Variants in NRP2 observed in about 807,000 individuals in gnomAD.
NRP2 encodes neuropilin-2.
NRP2 carries 52 observed loss-of-function variants against 110.4 expected under a neutral mutation model. The observed-to-expected ratio is 0.47, with a 90% CI of 0.38 to 0.59. The LOEUF (loss-of-function observed/expected upper bound fraction) is 0.59, where lower values mean the gene tolerates loss of function less well. Among genes scored for constraint, NRP2 ranks in the 20% least tolerant of loss-of-function variants. The pLI is 0.00. For missense variants in NRP2, 1,049 were observed against 1,203.0 expected (o/e 0.87, Z 1.89); for synonymous variants, 508 against 468.9 (o/e 1.08, Z -1.08).
At chr2:205,718,649 A>G (rs2105799241) in intron 3 of NRP2, among the ~76,000 whole-genome samples, 1 of 152,324 alleles carries the variant, frequency 6.6e-6, no homozygotes, top group Admixed American at 6.5e-5. Context: ...CATGACAGTC[A>G]GTCTTATATA....
In NRP2 at chr2:205,683,148, C is replaced by A; in HGVS notation, c.-143C>A. The stretch of plus-strand genomic sequence containing the variant: ...CAGCAAGAATAGAGGTGAAGACAAG[C>A]CACCAGGACTCAGGAGGGAAACGCT... On this transcript the variant is annotated 5_prime_UTR_variant, in exon 1 of 17. Transcript: ENST00000357785. 1 of 659,904 alleles carries A rather than the reference C, an allele frequency of 1.5e-6. No homozygotes were observed. The highest frequency in any genetic ancestry group is 2.5e-5 in the Admixed American group (1 of 40,022). 40.9% of individuals were successfully genotyped at this position (659,904 alleles called of 1,614,324 possible).
rs1253965727 is a variant in NRP2, at chr2:205,787,713, AGTGTCTGTG to A, written c.2426-4521_2426-4513del. ...GAGGGAGAGAGGAAAGATAAAAAAA[AGTGTCTGTG>A]TGTGTGTGTGTGTGTGTGTGTGTGT... On this transcript the variant is annotated intron_variant, in intron 15 of 16. Coordinates refer to ENST00000357785, the MANE Select transcript of NRP2 (RefSeq NM_003872.3). Among the ~76,000 whole-genome samples, 20 of 104,082 alleles carry A rather than the reference AGTGTCTGTG, an allele frequency of 1.9e-4. No individual in the cohort carries two copies. The South Asian group carries it at 2.3e-3, about 12-fold the overall frequency. 68.3% of individuals were successfully genotyped at this position (104,082 alleles called of 152,430 possible). A position where few individuals can be genotyped will look rare whatever the true frequency, so the allele number is the denominator to read the frequency against.
At chr2:205,707,881 T>G (rs529018562) in intron 2 of NRP2, among the ~76,000 whole-genome samples, 104 of 152,316 alleles carry the variant, frequency 6.8e-4, no homozygotes, top group Non-Finnish European at 1.1e-3. Flanking sequence ...CGCTGTGCTC[T>G]GATTGCCCTT....
chr2:205,708,543 A>G (rs2056733538), intron 2 of NRP2, among the ~76,000 whole-genome samples: 1 of 152,230 alleles, frequency 6.6e-6, no homozygotes, highest in Non-Finnish European at 1.5e-5. Flanking sequence ...TCCTCACGTC[A>G]GGAGGCATTC....
chr2:205,703,846 T>A (rs887373338), intron 2 of NRP2, among the ~76,000 whole-genome samples: 1 of 152,204 alleles, frequency 6.6e-6, no homozygotes, highest in Non-Finnish European at 1.5e-5. Flanking sequence ...GTGAGCATTG[T>A]AAGGGTAGAC....
chr2:205,776,484 C>T (rs1461552608), intron 15 of NRP2: 5 of 1,610,672 alleles, frequency 3.1e-6, no homozygotes, highest in South Asian at 1.1e-5. Context: ...TGGAGCCCAC[C>T]CTAACCATTA....
At chr2:205,685,347 C>A (rs1323805104) in intron 1 of NRP2, among the ~76,000 whole-genome samples, 1 of 152,226 alleles carries the variant, frequency 6.6e-6, no homozygotes, top group Non-Finnish European at 1.5e-5. Flanking sequence ...GCTGCTCAGG[C>A]TTTCAGGCGG....
In NRP2 at chr2:205,697,312, C is replaced by CTGTGTGTGTGTGTG. The variant is rs3072627; in HGVS notation, c.74-212_74-199dup. 1.7e-4 allele frequency among the ~76,000 whole-genome samples: 24 copies of CTGTGTGTGTGTGTG among 137,952 alleles called. 2 individuals are homozygous for CTGTGTGTGTGTGTG. The highest frequency in any genetic ancestry group is 6.0e-4 in the African/African-American group (21 of 34,736). 90.5% of individuals were successfully genotyped at this position (137,952 alleles called of 152,430 possible). A position where few individuals can be genotyped will look rare whatever the true frequency, so the allele number is the denominator to read the frequency against. On this transcript the variant is annotated intron_variant, in intron 1 of 16. Coordinates refer to ENST00000357785, the MANE Select transcript of NRP2 (RefSeq NM_003872.3). ...TGGCCATGTTCTGGAATACTTTCAT[C>CTGTGTGTGTGTGTG]TGTGTGTGTGTGTGTGTGTGTGTGT...
intron 1 of NRP2, among the ~76,000 whole-genome samples, chr2:205,691,977 C>T (rs3771054): frequency 0.27 from 41,571 of 151,924 alleles, 6,061 homozygotes; most frequent in Middle Eastern, 0.38. Context: ...TTCAAAAGGC[C>T]CCATTTCCAG....
intron 15 of NRP2, among the ~76,000 whole-genome samples, chr2:205,784,712 G>A (rs1266471200): frequency 6.6e-6 from 1 of 152,164 alleles, no homozygotes; most frequent in African/African-American, 2.4e-5. Flanking sequence ...TGTGCCAGGT[G>A]CAGTTTGTCT....
intron 2 of NRP2, among the ~76,000 whole-genome samples, chr2:205,709,290 CT>C (rs1212738771): frequency 6.6e-6 from 1 of 152,184 alleles, no homozygotes; most frequent in Admixed American, 6.5e-5. Context: ...TCATCTTCTC[CT>C]GTCTGGCTCC....
At position 205,763,050 on chromosome 2, in the gene NRP2, C is replaced by G. The variant is rs1275592292; in HGVS notation, c.2045-624C>G. Among the ~76,000 whole-genome samples the G allele has an allele frequency of 6.6e-6, 1 of 152,154 alleles. No individual in the cohort carries two copies. The highest frequency in any genetic ancestry group is 1.5e-5 in the Non-Finnish European group (1 of 68,028). Reference sequence around the variant, plus strand: ...CCTCCCTGAATCATCCCTTTCAGCTCCCACCCTCTGTTCTGTTTGAAGGTG... The same window carrying G: ...CCTCCCTGAATCATCCCTTTCAGCTGCCACCCTCTGTTCTGTTTGAAGGTG... On this transcript the variant is annotated intron_variant, in intron 12 of 16. Coordinates refer to ENST00000357785, the MANE Select transcript of NRP2 (RefSeq NM_003872.3). The surrounding 1 kb of genome is among the most constrained non-coding windows in gnomAD (Gnocchi z 4.0).
chr2:205,785,578 G>T (rs1277636385), intron 15 of NRP2, among the ~76,000 whole-genome samples: 1 of 152,232 alleles, frequency 6.6e-6, no homozygotes, highest in Non-Finnish European at 1.5e-5. Flanking sequence ...GTAAAAAAGA[G>T]GTTCTAGAAT....
chr2:205,776,414 A>G (rs1306859751), intron 15 of NRP2: 1 of 1,613,536 alleles, frequency 6.2e-7, no homozygotes, highest in Non-Finnish European at 8.5e-7. Context: ...GCGGCCAAGA[A>G]GACCGATCAC....
At chr2:205,740,030 G>GCC in intron 7 of NRP2, 1 of 259,880 alleles carries the variant, frequency 3.8e-6, no homozygotes. Flanking sequence ...CTCATGGGTG[G>GCC]GATGGCATCA....
rs771712741 is a variant in NRP2 at position 205,716,360 on chromosome 2, AG to A, written c.420del (p.Ile141SerfsTer52). On this transcript the variant is annotated frameshift_variant, in exon 3 of 17. Coordinates refer to ENST00000357785, the MANE Select transcript of NRP2 (RefSeq NM_003872.3). LOFTEE classifies it high-confidence loss of function. ...GGGGCAGGCTTCTCTCTGCGCTACGAGATCTTCAAGACAGGTCAGTGTGGTC... is the reference window on the plus strand; with the variant it reads ...GGGGCAGGCTTCTCTCTGCGCTACGAATCTTCAAGACAGGTCAGTGTGGTC... ...RQGAGFSLRY[E>X]IFKTGSEDCS... 6.2e-7 allele frequency: 1 copy of A among 1,613,896 alleles called. No homozygotes were observed. Among genetic ancestry groups the A allele is most frequent in the Non-Finnish European group, 8.5e-7 (1 of 1,180,012 alleles).
At chr2:205,748,322 G>C (rs911190946) in intron 10 of NRP2, among the ~76,000 whole-genome samples, 8 of 152,222 alleles carry the variant, frequency 5.3e-5, no homozygotes, top group African/African-American at 1.9e-4. Context: ...GGGCTGAGCT[G>C]CTGCAGCTAA....
At chr2:205,736,085 T>C (rs1271308085) in intron 7 of NRP2, among the ~76,000 whole-genome samples, 1 of 152,202 alleles carries the variant, frequency 6.6e-6, no homozygotes, top group Non-Finnish European at 1.5e-5. Context: ...CTCACACCTG[T>C]AATCCCAGCA....
At chr2:205,721,026 TG>T (rs1422470070) in intron 3 of NRP2, among the ~76,000 whole-genome samples, 2 of 152,238 alleles carry the variant, frequency 1.3e-5, no homozygotes, top group Admixed American at 6.5e-5. Context: ...TAGGAGATAC[TG>T]GAATTTTCTG....
Sources: allele counts gnomAD v4.1 joint callset (sites outside exome capture counted in the v4.1 genomes callset), GRCh38; gene constraint gnomAD v4.1.1; non-coding constraint Gnocchi (gnomAD v3.1); transcripts MANE v1.5; gene names NCBI Gene and HGNC (gene_info 2026-07-23, HGNC 2026-07-21).